The following SRRM4 variants were observed in gnomAD, a reference collection of about 807,000 sequenced individuals.
SRRM4 encodes the protein serine/arginine repetitive matrix 4.
A neutral mutation model predicts 68.9 loss-of-function variants in SRRM4; 33 were observed. The ratio of observed to expected loss-of-function variants is 0.48; its 90% CI spans 0.36 to 0.64. The LOEUF (loss-of-function observed/expected upper bound fraction) is 0.64, where lower values mean the gene tolerates loss of function less well. Ranked by LOEUF, SRRM4 falls within the 30% of genes least tolerant of loss-of-function variation. The probability of loss-of-function intolerance (pLI) is 0.00; values close to 1 mark genes in which losing one functional copy is unlikely to be tolerated. For synonymous variants in SRRM4, 318 were observed against 318.8 expected, an observed-to-expected ratio of 1.00 and a Z score of 0.03; for missense variants, 817 against 827.1, an observed-to-expected ratio of 0.99 and a Z score of 0.15.
intron 1 of SRRM4, among the ~76,000 whole-genome samples, chr12:118,999,653 G>A (rs2135992627): frequency 6.6e-6 from 1 of 152,240 alleles, no homozygotes; most frequent in Non-Finnish European, 1.5e-5. Flanking sequence ...TTCGTTTACT[G>A]TAACTTATTA....
intron 1 of SRRM4, among the ~76,000 whole-genome samples, chr12:119,062,334 C>T (rs1003560012): frequency 6.6e-6 from 1 of 152,212 alleles, no homozygotes; most frequent in Non-Finnish European, 1.5e-5. Context: ...CTGTACACTA[C>T]TGTAGACTTG....
chr12:119,062,366 T>C (rs1207619038), intron 1 of SRRM4, among the ~76,000 whole-genome samples: 1 of 152,220 alleles, frequency 6.6e-6, no homozygotes, highest in Non-Finnish European at 1.5e-5. Flanking sequence ...AAACTTAAGC[T>C]ACGCTCAATT....
chr12:119,093,075 C>T (rs1954023648), intron 1 of SRRM4, among the ~76,000 whole-genome samples: 1 of 152,178 alleles, frequency 6.6e-6, no homozygotes, highest in South Asian at 2.1e-4. Context: ...CAAATCTCAC[C>T]TTCTCAATGA....
At chr12:119,032,107 T>C (rs541116919) in intron 1 of SRRM4, among the ~76,000 whole-genome samples, 3 of 152,284 alleles carry the variant, frequency 2.0e-5, no homozygotes, top group East Asian at 3.9e-4. Flanking sequence ...GTTCATCTTT[T>C]CCTCACTCTT....
chr12:119,022,204 T>A lies in SRRM4; in HGVS notation c.131+40191T>A, dbSNP rs1365266426. ...ATAAAATTTAAAATAAAATAAAATT[T>A]AAAAAAAAGAAAGAGGAGAATGCTT... On this transcript the variant is annotated intron_variant, in intron 1 of 12. Transcript: ENST00000267260. Among the ~76,000 whole-genome samples, 4 of 151,818 alleles carry A rather than the reference T, an allele frequency of 2.6e-5. No individual in the cohort carries two copies. The East Asian group carries it at 5.8e-4, about 22-fold the overall frequency.
intron 1 of SRRM4, among the ~76,000 whole-genome samples, chr12:119,046,544 T>A (rs766553889): frequency 2.6e-5 from 4 of 152,148 alleles, no homozygotes; most frequent in Non-Finnish European, 4.4e-5. Flanking sequence ...TTATACATGA[T>A]TCACAGTTCA....
chr12:119,015,045 T>C (rs1052782042), intron 1 of SRRM4, among the ~76,000 whole-genome samples: 1 of 152,092 alleles, frequency 6.6e-6, no homozygotes, highest in African/African-American at 2.4e-5. Context: ...GATCTGCCAA[T>C]AAGATGGAAT....
intron 2 of SRRM4, among the ~76,000 whole-genome samples, chr12:119,103,950 C>T (rs1402273923): frequency 6.6e-6 from 1 of 152,162 alleles, no homozygotes; most frequent in African/African-American, 2.4e-5. Flanking sequence ...TTGCAGTGAG[C>T]CGAGATCGCA....
intron 1 of SRRM4, among the ~76,000 whole-genome samples, chr12:118,986,047 C>T (rs1177111528): frequency 6.6e-6 from 1 of 152,100 alleles, no homozygotes; most frequent in Non-Finnish European, 1.5e-5. Flanking sequence ...CAGGCCCTGT[C>T]CAAAAGGCCA....
chr12:119,114,409 G>A (rs1018112399), intron 3 of SRRM4, 45 bp downstream of exon 3: 2 of 1,511,346 alleles, frequency 1.3e-6, no homozygotes, highest in Non-Finnish European at 1.8e-6. Context: ...ATGCAGGCAG[G>A]GACAAAATAT....
intron 6 of SRRM4, among the ~76,000 whole-genome samples, chr12:119,123,444 C>A (rs1050405949): frequency 6.6e-6 from 1 of 151,680 alleles, no homozygotes; most frequent in Non-Finnish European, 1.5e-5. Flanking sequence ...ACCAGTGGGG[C>A]CCCAGGGTAG....
At chr12:119,129,872 A>ATGG (rs1954282962) in intron 7 of SRRM4, among the ~76,000 whole-genome samples, 1 of 136,884 alleles carries the variant, frequency 7.3e-6, no homozygotes, top group Non-Finnish European at 1.6e-5. Flanking sequence ...TAGTTGGACA[A>ATGG]ATGGATGGAT....
At chr12:119,009,279 G>A (rs1166850777) in intron 1 of SRRM4, among the ~76,000 whole-genome samples, 1 of 152,118 alleles carries the variant, frequency 6.6e-6, no homozygotes, top group Non-Finnish European at 1.5e-5. Flanking sequence ...AGGGAGGAGA[G>A]TAGGGGAGAG....
intron 1 of SRRM4, among the ~76,000 whole-genome samples, chr12:118,982,547 G>T (rs1953254286): frequency 6.6e-6 from 1 of 152,120 alleles, no homozygotes; most frequent in South Asian, 2.1e-4. Context: ...CGCCTTTCTG[G>T]CGGCTGCTGC....
intron 1 of SRRM4, among the ~76,000 whole-genome samples, chr12:119,006,520 C>T (rs1290340630): frequency 1.3e-5 from 2 of 152,198 alleles, no homozygotes; most frequent in Admixed American, 6.5e-5. Context: ...CCCGACTCCC[C>T]ATTCCACCCC....
At chr12:119,031,637 A>C (rs1953590531) in intron 1 of SRRM4, among the ~76,000 whole-genome samples, 1 of 152,220 alleles carries the variant, frequency 6.6e-6, no homozygotes, top group Admixed American at 6.5e-5. Context: ...TCTTCCCTCT[A>C]GGAGTACATG....
intron 1 of SRRM4, among the ~76,000 whole-genome samples, chr12:119,074,036 G>A (rs983331617): frequency 6.6e-6 from 1 of 152,156 alleles, no homozygotes; most frequent in African/African-American, 2.4e-5. Flanking sequence ...AAAAGAGCCT[G>A]GCACAGAGTT....
chr12:118,994,497 C>G (rs1262806160), intron 1 of SRRM4, among the ~76,000 whole-genome samples: 1 of 152,220 alleles, frequency 6.6e-6, no homozygotes, highest in Non-Finnish European at 1.5e-5. Flanking sequence ...TGCCTTTCCT[C>G]TCACTGGAAA....
At chr12:119,065,507 C>T (rs556006014) in intron 1 of SRRM4, among the ~76,000 whole-genome samples, 7 of 152,168 alleles carry the variant, frequency 4.6e-5, no homozygotes, top group African/African-American at 4.8e-5. Context: ...GAGGCTGAAG[C>T]GGGAAGATCA....
Sources: gnomAD v4.1 joint callset for allele counts (sites outside exome capture counted in the v4.1 genomes callset) on GRCh38, gnomAD v4.1.1 for gene constraint, MANE v1.5 for transcripts, NCBI Gene and HGNC (gene_info 2026-07-23, HGNC 2026-07-21) for gene names.